MAML3: variants seen among roughly 807,000 people sequenced by gnomAD.
MAML3 encodes the protein mastermind like transcriptional coactivator 3.
A neutral mutation model predicts 101.9 loss-of-function variants in MAML3; 27 were observed. That is an observed-to-expected ratio of 0.27 (90% confidence interval 0.20 to 0.37). MAML3 has a LOEUF of 0.37. Ranked by LOEUF, MAML3 falls within the 10% of genes least tolerant of loss-of-function variation. The pLI is 1.00. For missense variants in MAML3, 1,316 were observed against 1,444.9 expected (o/e 0.91, Z 1.45); for synonymous variants, 501 against 555.9 (o/e 0.90, Z 1.39).
chr4:139,784,557 G>A (rs927610522), intron 2 of MAML3, among the ~76,000 whole-genome samples: 4 of 152,118 alleles, frequency 2.6e-5, no homozygotes, highest in African/African-American at 9.7e-5. Context: ...CATGAGTGCT[G>A]ATGTTTTCTT....
At chr4:140,129,049 A>G (rs926906292) in intron 1 of MAML3, among the ~76,000 whole-genome samples, 4 of 151,974 alleles carry the variant, frequency 2.6e-5, no homozygotes, top group Non-Finnish European at 5.9e-5. Context: ...TCCCTGTTCC[A>G]CCATTCATTA....
intron 1 of MAML3, among the ~76,000 whole-genome samples, chr4:139,935,937 G>A (rs1349910137): frequency 1.3e-5 from 2 of 152,100 alleles, no homozygotes; most frequent in Non-Finnish European, 2.9e-5. Context: ...ATACAATACA[G>A]TATTACTGAC....
chr4:140,022,611 T>A (rs1202306968), intron 1 of MAML3, among the ~76,000 whole-genome samples: 1 of 152,206 alleles, frequency 6.6e-6, no homozygotes, highest in African/African-American at 2.4e-5. Flanking sequence ...AACTTGGTTC[T>A]AGAAATAGCA....
In MAML3 at chr4:139,851,931, T is replaced by A. The variant is rs569003191; in HGVS notation, c.2079+37426A>T. Among the ~76,000 whole-genome samples the A allele has an allele frequency of 2.0e-5, 3 of 152,298 alleles. No homozygotes were observed. In the South Asian group the frequency reaches 6.2e-4, roughly 32 times the overall value. The stretch of plus-strand genomic sequence containing the variant: ...GAGAAGTGAAAGCCGCTCTTCTAAG[T>A]TTGTACGTGGTCTCTCTCCAAAACA... On this transcript the variant is annotated intron_variant, in intron 2 of 4. Coordinates refer to ENST00000509479, the MANE Select transcript of MAML3 (RefSeq NM_018717.5).
At chr4:139,726,195 T>C (rs1226722754) in intron 3 of MAML3, among the ~76,000 whole-genome samples, 1 of 152,252 alleles carries the variant, frequency 6.6e-6, no homozygotes, top group African/African-American at 2.4e-5. Flanking sequence ...CACATGATGC[T>C]GCTTTTGTGT....
intron 1 of MAML3, among the ~76,000 whole-genome samples, chr4:139,967,626 A>C (rs1266889250): frequency 6.6e-6 from 1 of 151,838 alleles, no homozygotes; most frequent in Non-Finnish European, 1.5e-5. Flanking sequence ...AGAGTTCTTG[A>C]GGGCATCTAA....
chr4:139,908,089 C>T (rs765090046), intron 1 of MAML3, among the ~76,000 whole-genome samples: 7 of 152,204 alleles, frequency 4.6e-5, no homozygotes, highest in African/African-American at 1.7e-4. Context: ...ACTCAGTTAA[C>T]TATGCTCTGC....
intron 1 of MAML3, among the ~76,000 whole-genome samples, chr4:140,084,061 T>G (rs72935765): frequency 0.048 from 7,227 of 152,002 alleles, 291 homozygotes; most frequent in African/African-American, 0.11. Context: ...TCTCCCCAGT[T>G]CTGGTTATTT....
chr4:139,840,053 A>T (rs1375883780), intron 2 of MAML3, among the ~76,000 whole-genome samples: 2 of 152,164 alleles, frequency 1.3e-5, no homozygotes, highest in African/African-American at 4.8e-5. Flanking sequence ...ATAAGTCTGT[A>T]TATCACCATG....
chr4:139,903,418 C>G (rs929123548), intron 1 of MAML3, among the ~76,000 whole-genome samples: 2 of 152,154 alleles, frequency 1.3e-5, no homozygotes, highest in African/African-American at 2.4e-5. Context: ...AAAAATGTAC[C>G]CTTATTACAG....
rs542757177 is a variant in MAML3, at chr4:139,980,893, G to A, written c.469-89926C>T. Among the ~76,000 whole-genome samples, 404 of 152,214 alleles carry A rather than the reference G, an allele frequency of 2.7e-3. 1 individual carries two copies. Among genetic ancestry groups the A allele is most frequent in the Non-Finnish European group, 4.7e-3 (322 of 68,042 alleles). ...ATAAGCTACTGCGGTAGAGAATTGT[G>A]TAGCCAGAGAATACTCCTCTCTGTT... On this transcript the variant is annotated intron_variant, in intron 1 of 4. Coordinates refer to ENST00000509479, the MANE Select transcript of MAML3 (RefSeq NM_018717.5).
chr4:140,103,595 G>A (rs775067249), intron 1 of MAML3, among the ~76,000 whole-genome samples: 6 of 152,210 alleles, frequency 3.9e-5, no homozygotes, highest in African/African-American at 1.2e-4. Context: ...AAATTAAACC[G>A]GCATATTGGA....
chr4:140,118,546 C>T (rs976550694), intron 1 of MAML3, among the ~76,000 whole-genome samples: 1 of 152,076 alleles, frequency 6.6e-6, no homozygotes. Context: ...GAGTATATAA[C>T]ATTGAAAATA....
At chr4:140,083,967 CAGAGAGAGAGAG>C (rs72201205) in intron 1 of MAML3, among the ~76,000 whole-genome samples, 9,293 of 80,750 alleles carry the variant, frequency 0.12, 360 homozygotes, top group Admixed American at 0.17. Flanking sequence ...CACACACACA[CAGAGAGAGAGAG>C]AGAGAGAGAG....
intron 2 of MAML3, among the ~76,000 whole-genome samples, chr4:139,815,906 AAAT>A (rs1298786800): frequency 6.6e-6 from 1 of 152,168 alleles, no homozygotes; most frequent in African/African-American, 2.4e-5. Context: ...TGAGCATAAT[AAAT>A]AATACTTCTA....
At chr4:140,007,660 C>T (rs1015480271) in intron 1 of MAML3, among the ~76,000 whole-genome samples, 2 of 152,208 alleles carry the variant, frequency 1.3e-5, no homozygotes, top group Admixed American at 6.5e-5. Flanking sequence ...AGCCACCAGC[C>T]ATTGGATGGC....
At chr4:139,952,619 G>T (rs1488322262) in intron 1 of MAML3, among the ~76,000 whole-genome samples, 1 of 152,156 alleles carries the variant, frequency 6.6e-6, no homozygotes, top group African/African-American at 2.4e-5. Flanking sequence ...ATGGCTAGTG[G>T]CCCACCAAAG....
intron 2 of MAML3, among the ~76,000 whole-genome samples, chr4:139,833,067 G>A (rs111853271): frequency 5.9e-5 from 9 of 152,340 alleles, no homozygotes; most frequent in African/African-American, 1.9e-4. Flanking sequence ...CTTTTCTGTT[G>A]TGAATGACTA....
At chr4:139,903,444 T>C (rs1303622940) in intron 1 of MAML3, among the ~76,000 whole-genome samples, 3 of 152,230 alleles carry the variant, frequency 2.0e-5, no homozygotes, top group African/African-American at 7.2e-5. Context: ...TTACGGCTAA[T>C]AACCTTCTGG....
Sources: gnomAD v4.1 joint callset for allele counts (sites outside exome capture counted in the v4.1 genomes callset) on GRCh38, gnomAD v4.1.1 for gene constraint, MANE v1.5 for transcripts, NCBI Gene and HGNC (gene_info 2026-07-23, HGNC 2026-07-21) for gene names.